The following ACBD5 variants were observed in gnomAD, a reference collection of about 807,000 sequenced individuals.
The protein encoded by ACBD5 is acyl-CoA-binding domain-containing protein 5.
Under a neutral mutation model 71.8 loss-of-function variants are expected in ACBD5, and 40 were observed. The observed-to-expected ratio is 0.56, with a 90% CI of 0.43 to 0.72. The LOEUF is 0.72. ACBD5 is among the 30% of genes least tolerant of loss of function. The probability of loss-of-function intolerance (pLI) is 0.00; values close to 1 mark genes in which losing one functional copy is unlikely to be tolerated. For missense variants in ACBD5, 559 were observed against 644.5 expected (o/e 0.87, Z 1.44); for synonymous variants, 229 against 218.6 (o/e 1.05, Z -0.42).
At chr10:27,233,771 G>T (rs973609320) in intron 3 of ACBD5, among the ~76,000 whole-genome samples, 1 of 152,102 alleles carries the variant, frequency 6.6e-6, no homozygotes, top group Non-Finnish European at 1.5e-5. Flanking sequence ...GCGGGAGCGG[G>T]GGGTGGCTCA....
At position 27,233,832 on chromosome 10, in the gene ACBD5, G is replaced by A. The variant is rs1444616587; in HGVS notation, c.302+1260C>T. Among the ~76,000 whole-genome samples, 3 of 152,186 alleles carry A rather than the reference G, an allele frequency of 2.0e-5. No individual in the cohort carries two copies. The East Asian group carries it at 5.8e-4, about 29-fold the overall frequency. On this transcript the variant is annotated intron_variant, in intron 3 of 12. Transcript: ENST00000396271. The stretch of plus-strand genomic sequence containing the variant: ...GGCCGAGGCGGGCAGATCACCTGAT[G>A]TCGGGAGTTCAAGACCAGCCTGACC...
chr10:27,241,957 C>A, upstream of ACBD5: 1 of 427,180 alleles, frequency 2.3e-6, no homozygotes, highest in South Asian at 1.6e-5. Flanking sequence ...ATGGAAGAGT[C>A]GTTTTTGTCA....
At chr10:27,207,612 G>A (rs191964345) in intron 10 of ACBD5, among the ~76,000 whole-genome samples, 1 of 152,278 alleles carries the variant, frequency 6.6e-6, no homozygotes, top group Non-Finnish European at 1.5e-5. Flanking sequence ...TCTAACAAAT[G>A]TTACTCAAGA....
intron 13 of ACBD5, among the ~76,000 whole-genome samples, chr10:27,183,975 G>A (rs1037164389): frequency 2.6e-5 from 4 of 152,074 alleles, no homozygotes; most frequent in African/African-American, 9.7e-5. Context: ...GCCTCCCTAA[G>A]TACTGGGATT....
At chr10:27,227,418 C>T (rs536514882) in intron 4 of ACBD5, among the ~76,000 whole-genome samples, 1 of 152,160 alleles carries the variant, frequency 6.6e-6, no homozygotes, top group Non-Finnish European at 1.5e-5. Context: ...CCATCCAAAT[C>T]CTAATGCTCT....
intron 4 of ACBD5, among the ~76,000 whole-genome samples, chr10:27,228,806 T>TAG (rs1389332689): frequency 0.037 from 191 of 5,166 alleles, 4 homozygotes; most frequent in African/African-American, 0.067. Context: ...TATATATATA[T>TAG]ATATATATAT....
At chr10:27,198,290 A>G (rs1442970902) in intron 12 of ACBD5, among the ~76,000 whole-genome samples, 1 of 152,188 alleles carries the variant, frequency 6.6e-6, no homozygotes, top group Non-Finnish European at 1.5e-5. Flanking sequence ...GATATATATA[A>G]TATGATGGTT....
intron 12 of ACBD5, 32 bp downstream of exon 12, chr10:27,204,402 GAGTTAT>G: frequency 6.8e-7 from 1 of 1,477,534 alleles, no homozygotes; most frequent in Non-Finnish European, 9.5e-7. Context: ...TAGGTTATGA[GAGTTAT>G]ACACCATTTC....
At chr10:27,235,006 A>G (rs1219990482) in intron 3 of ACBD5, 86 bp downstream of exon 3, 1 of 1,375,652 alleles carries the variant, frequency 7.3e-7, no homozygotes, top group African/African-American at 1.4e-5. Flanking sequence ...TCTGCACAGA[A>G]TAATATATAA....
Position 27,202,194 on chromosome 10 carries a change from G to C in ACBD5, c.1565+2246C>G, listed in dbSNP as rs776831485. 7.9e-5 allele frequency among the ~76,000 whole-genome samples: 12 copies of C among 152,094 alleles called. 1 individual carries two copies. The highest frequency in any genetic ancestry group is 1.6e-4 in the Non-Finnish European group (11 of 68,014). ...ATTGCTAAACAATGTTAGATTAAAAGATGCCTAAATCCCCTCAAGGCTAAA... is the reference window on the plus strand; with the variant it reads ...ATTGCTAAACAATGTTAGATTAAAACATGCCTAAATCCCCTCAAGGCTAAA... On this transcript the variant is annotated intron_variant, in intron 12 of 12. Coordinates refer to ENST00000396271, the MANE Select transcript of ACBD5 (RefSeq NM_145698.5).
At chr10:27,199,363 C>T (rs1304403105) in intron 12 of ACBD5, among the ~76,000 whole-genome samples, 3 of 151,856 alleles carry the variant, frequency 2.0e-5, no homozygotes, top group African/African-American at 7.2e-5. Flanking sequence ...GCCTGAACTC[C>T]CAGTCTTCTA....
At chr10:27,193,151 G>A (rs982900634), downstream of ACBD5, among the ~76,000 whole-genome samples, 10 of 124,202 alleles carry the variant, frequency 8.1e-5, no homozygotes, top group African/African-American at 3.1e-4. Context: ...GTGTGTGTGT[G>A]TGTGTGTGTG....
intron 4 of ACBD5, among the ~76,000 whole-genome samples, chr10:27,226,792 T>C (rs757300806): frequency 6.6e-6 from 1 of 151,736 alleles, no homozygotes; most frequent in Non-Finnish European, 1.5e-5. Flanking sequence ...GCTGAGACTA[T>C]AGGCATGCAC....
chr10:27,235,222 A>G lies in ACBD5; in HGVS notation c.182-10T>C, dbSNP rs1564722652. The G allele has an allele frequency of 6.2e-7, 1 of 1,613,868 alleles. No homozygotes were observed. ...GTTGGCTGGAATGAACCTGTTGGAAACACACATTAAATACAAATCACCTGG... is the reference window on the plus strand; with the variant it reads ...GTTGGCTGGAATGAACCTGTTGGAAGCACACATTAAATACAAATCACCTGG... On this transcript the variant is annotated splice_polypyrimidine_tract_variant and intron_variant, in intron 2 of 12. Coordinates refer to ENST00000396271, the MANE Select transcript of ACBD5 (RefSeq NM_145698.5).
intron 13 of ACBD5, among the ~76,000 whole-genome samples, chr10:27,185,786 CAAA>C (rs59621747): frequency 7.1e-6 from 1 of 141,238 alleles, no homozygotes. Flanking sequence ...GACTCCATTT[CAAA>C]AAAAAAAAAA....
chr10:27,187,295 G>A (rs761850969), intron 13 of ACBD5, among the ~76,000 whole-genome samples: 1 of 151,992 alleles, frequency 6.6e-6, no homozygotes. Flanking sequence ...ACAAGACTCC[G>A]TCTCAAAAAA....
intron 3 of ACBD5, among the ~76,000 whole-genome samples, chr10:27,232,092 T>C (rs1376586909): frequency 6.6e-6 from 1 of 152,208 alleles, no homozygotes; most frequent in Non-Finnish European, 1.5e-5. Flanking sequence ...ATAAGAATCC[T>C]TCAAAGTTTT....
chr10:27,240,280 C>T lies in ACBD5; in HGVS notation c.181+39G>A. 6.2e-7 allele frequency: 1 copy of T among 1,613,954 alleles called. No individual in the cohort carries two copies. Among genetic ancestry groups the T allele is most frequent in the Admixed American group, 1.7e-5 (1 of 60,016 alleles). ...AAGTGAAAGGGGGCTTTGGGGCTCT[C>T]TGCAGGAGGCGTCTACAGCCGGGGC... On this transcript the variant is annotated intron_variant, in intron 2 of 12. Coordinates refer to ENST00000396271, the MANE Select transcript of ACBD5 (RefSeq NM_145698.5). This position sits in a 1 kb window ranked among gnomAD's most constrained non-coding sequence, Gnocchi z 4.1.
In ACBD5 at chr10:27,205,179, T is replaced by A; in HGVS notation, c.1455+19A>T. 1 of 1,608,920 alleles carries A rather than the reference T, an allele frequency of 6.2e-7. No homozygotes were observed. Among genetic ancestry groups the A allele is most frequent in the Non-Finnish European group, 8.5e-7 (1 of 1,176,356 alleles). ...ACATATGAAACCCTGGCATTTAAAT[T>A]TTTTAAAAAATGTCTTACCTGTGAG... is the stretch of plus-strand genomic sequence containing the variant. On this transcript the variant is annotated intron_variant, in intron 11 of 12. Coordinates refer to ENST00000396271, the MANE Select transcript of ACBD5 (RefSeq NM_145698.5).
Sources: allele counts gnomAD v4.1 joint callset (sites outside exome capture counted in the v4.1 genomes callset), GRCh38; gene constraint gnomAD v4.1.1; non-coding constraint Gnocchi (gnomAD v3.1); transcripts MANE v1.5; gene names NCBI Gene and HGNC (gene_info 2026-07-23, HGNC 2026-07-21).